Variants in BMAL2 observed in about 807,000 individuals in gnomAD.
The protein encoded by BMAL2 is basic helix-loop-helix ARNT-like protein 2.
chr12:27,419,842 T>C, the BMAL2 span, among the ~76,000 whole-genome samples: 2 of 152,214 alleles, frequency 1.3e-5, no homozygotes, highest in African/African-American at 4.8e-5. Flanking sequence ...AAATTAATTA[T>C]CATCTCCATG....
chr12:27,412,104 A>T, the BMAL2 span, among the ~76,000 whole-genome samples: 3 of 152,202 alleles, frequency 2.0e-5, no homozygotes, highest in African/African-American at 7.2e-5. Flanking sequence ...TGTTGCAAAG[A>T]CCATCCTTTT....
chr12:27,418,240 A>C, the BMAL2 span: 8 of 1,294,618 alleles, frequency 6.2e-6, no homozygotes, highest in Middle Eastern at 1.9e-4. Flanking sequence ...GTTTATCAAA[A>C]CCCCCCTCTT....
the BMAL2 span, chr12:27,401,483 G>A: frequency 1.9e-6 from 3 of 1,548,098 alleles, no homozygotes; most frequent in South Asian, 3.5e-5. Flanking sequence ...GATTTTTATA[G>A]TCATTGACTA....
chr12:27,333,287 G>A, the BMAL2 span, among the ~76,000 whole-genome samples: 1 of 151,878 alleles, frequency 6.6e-6, no homozygotes, highest in African/African-American at 2.4e-5. Flanking sequence ...GGGCACAGGT[G>A]CGGCGCGGCG....
the BMAL2 span, among the ~76,000 whole-genome samples, chr12:27,413,327 T>C: frequency 6.6e-6 from 1 of 152,218 alleles, no homozygotes; most frequent in African/African-American, 2.4e-5. Context: ...CTACAATAAT[T>C]TGTTAATGAA....
At chr12:27,349,913 A>G in the BMAL2 span, among the ~76,000 whole-genome samples, 2 of 152,130 alleles carry the variant, frequency 1.3e-5, no homozygotes, top group African/African-American at 4.8e-5. Flanking sequence ...CATTCAGTCC[A>G]TGGTCAGCAG....
the BMAL2 span, chr12:27,370,249 T>A: frequency 6.4e-7 from 1 of 1,564,372 alleles, no homozygotes; most frequent in Non-Finnish European, 8.8e-7. Context: ...TGGACTGTCT[T>A]TGACATACTC....
At chr12:27,370,113 G>A in the BMAL2 span, 2 of 1,599,784 alleles carry the variant, frequency 1.3e-6, no homozygotes, top group Non-Finnish European at 1.7e-6. Flanking sequence ...GTGACCCAAG[G>A]CCTCCTTCCT....
chr12:27,420,035 A>G, the BMAL2 span, among the ~76,000 whole-genome samples: 1 of 151,678 alleles, frequency 6.6e-6, no homozygotes, highest in African/African-American at 2.4e-5. Flanking sequence ...ACACACACAC[A>G]CACACACACA....
the BMAL2 span, among the ~76,000 whole-genome samples, chr12:27,342,931 T>A: frequency 1.3e-5 from 2 of 152,222 alleles, no homozygotes; most frequent in African/African-American, 4.8e-5. Context: ...TCAACAATAA[T>A]CATAGCTACC....
the BMAL2 span, among the ~76,000 whole-genome samples, chr12:27,348,437 A>G: frequency 6.6e-6 from 1 of 152,194 alleles, no homozygotes; most frequent in East Asian, 1.9e-4. Flanking sequence ...GATACCAAAG[A>G]AGATTAAACT....
the BMAL2 span, among the ~76,000 whole-genome samples, chr12:27,387,874 GA>G: frequency 6.6e-6 from 1 of 152,262 alleles, no homozygotes; most frequent in East Asian, 1.9e-4. Flanking sequence ...ACTAGCACTA[GA>G]AATCCGATAG....
chr12:27,401,799 T>A, the BMAL2 span: 3 of 660,200 alleles, frequency 4.5e-6, no homozygotes, highest in Non-Finnish European at 7.1e-6. Flanking sequence ...AACTTGAGAT[T>A]TATCTTTTGA....
chr12:27,349,813 G>C, the BMAL2 span, among the ~76,000 whole-genome samples: 2 of 152,174 alleles, frequency 1.3e-5, no homozygotes, highest in African/African-American at 4.8e-5. Context: ...TGACCACAGA[G>C]AGGGTAAATG....
At chr12:27,355,331 C>A in the BMAL2 span, among the ~76,000 whole-genome samples, 1 of 152,118 alleles carries the variant, frequency 6.6e-6, no homozygotes, top group African/African-American at 2.4e-5. Context: ...TCCATAGACC[C>A]CTTAATCAGC....
chr12:27,392,963 T>C, the BMAL2 span, among the ~76,000 whole-genome samples: 3 of 152,106 alleles, frequency 2.0e-5, no homozygotes, highest in Non-Finnish European at 4.4e-5. Context: ...TCTTTACTGG[T>C]AAAGCTTGCA....
the BMAL2 span, among the ~76,000 whole-genome samples, chr12:27,388,102 C>CGT: frequency 7.2e-6 from 1 of 139,518 alleles, no homozygotes; most frequent in African/African-American, 2.6e-5. Context: ...CACACATGCA[C>CGT]GCACACACAC....
At chr12:27,402,468 C>A in the BMAL2 span, 1 of 598,172 alleles carries the variant, frequency 1.7e-6, no homozygotes, top group Non-Finnish European at 2.8e-6. Context: ...ACATTAAGAC[C>A]TTGATTTCTG....
At chr12:27,393,523 G>C in the BMAL2 span, among the ~76,000 whole-genome samples, 1 of 152,200 alleles carries the variant, frequency 6.6e-6, no homozygotes, top group African/African-American at 2.4e-5. Flanking sequence ...GAAATGGTAA[G>C]TAGGGATGCC....
Sources: allele counts gnomAD v4.1 joint callset (sites outside exome capture counted in the v4.1 genomes callset), GRCh38; gene constraint gnomAD v4.1.1; transcripts MANE v1.5; gene names NCBI Gene and HGNC (gene_info 2026-07-23, HGNC 2026-07-21).